The following GPHN variants were observed in gnomAD, a reference collection of about 807,000 sequenced individuals.
The protein encoded by GPHN is gephyrin.
GPHN carries 17 observed loss-of-function variants against 95.5 expected under a neutral mutation model. The ratio of observed to expected loss-of-function variants is 0.18; its 90% CI spans 0.12 to 0.27. The LOEUF (loss-of-function observed/expected upper bound fraction) is 0.27, where lower values mean the gene tolerates loss of function less well. Ranked by LOEUF, GPHN falls within the 10% of genes least tolerant of loss-of-function variation. The pLI, the probability that GPHN is intolerant of heterozygous loss-of-function variation, is 1.00. For missense variants in GPHN, 660 were observed against 978.1 expected, an observed-to-expected ratio of 0.67 and a Z score of 4.34; for synonymous variants, 320 against 322.5, an observed-to-expected ratio of 0.99 and a Z score of 0.08.
the GPHN span, chr14:67,725,345 C>A: frequency 7.7e-7 from 1 of 1,294,928 alleles, no homozygotes; most frequent in East Asian, 2.4e-5. Context: ...TACATCAGAA[C>A]CATCATCCAC....
chr14:67,533,334 C>G, the GPHN span: 1 of 151,338 alleles, frequency 6.6e-6, no homozygotes, highest in Non-Finnish European at 1.5e-5. Flanking sequence ...AGGTCGGCTG[C>G]GGCGGCGGCC....
At chr14:67,379,349 A>T in the GPHN span, among the ~76,000 whole-genome samples, 1 of 152,228 alleles carries the variant, frequency 6.6e-6, no homozygotes, top group Admixed American at 6.5e-5. Context: ...ATGAATTCAC[A>T]GTAGTATCTT....
intron 2 of GPHN, among the ~76,000 whole-genome samples, chr14:66,694,395 T>C (rs1241640858): frequency 6.6e-6 from 1 of 152,186 alleles, no homozygotes; most frequent in African/African-American, 2.4e-5. Flanking sequence ...ATTTTTTAAA[T>C]AGCAGCTCAA....
rs901749491 is a variant in GPHN at position 67,037,909 on chromosome 14, T to A, written c.1006+14234T>A. Among the ~76,000 whole-genome samples the A allele has an allele frequency of 3.9e-5, 6 of 152,028 alleles. No individual in the cohort carries two copies. In the East Asian group the frequency reaches 9.6e-4, roughly 24 times the overall value. On this transcript the variant is annotated intron_variant, in intron 10 of 22. Transcript: ENST00000478722. ...AATAGTATGGCGTTTCTTCAAAAAA[T>A]TAAAAATAGAACTTTCATATGATCT...
chr14:66,904,513 T>A (rs775163135), intron 5 of GPHN, among the ~76,000 whole-genome samples: 4 of 152,192 alleles, frequency 2.6e-5, no homozygotes, highest in Non-Finnish European at 5.9e-5. Flanking sequence ...TTTACAATTC[T>A]AGCTACAGAG....
At chr14:67,209,690 C>T in the GPHN span, among the ~76,000 whole-genome samples, 7 of 150,980 alleles carry the variant, frequency 4.6e-5, no homozygotes, top group Non-Finnish European at 7.4e-5. Flanking sequence ...TGGTGGCAGG[C>T]GCCTGTAATC....
At chr14:67,566,257 G>A in the GPHN span, among the ~76,000 whole-genome samples, 6 of 147,998 alleles carry the variant, frequency 4.1e-5, no homozygotes, top group Admixed American at 4.1e-4. Context: ...CCAAGAGTGG[G>A]GCACATCAGG....
the GPHN span, among the ~76,000 whole-genome samples, chr14:67,408,354 T>TAAAATAAAATAAAAG: frequency 7.4e-6 from 1 of 134,780 alleles, no homozygotes; most frequent in African/African-American, 2.8e-5. Flanking sequence ...TAAAATAAAA[T>TAAAATAAAATAAAAG]AAAAAAAGAA....
intron 3 of GPHN, among the ~76,000 whole-genome samples, chr14:66,811,976 A>T (rs1007253818): frequency 3.3e-5 from 5 of 152,326 alleles, no homozygotes; most frequent in Non-Finnish European, 5.9e-5. Flanking sequence ...GCACTGGTTG[A>T]TTATCCCATT....
chr14:67,514,257 AAG>A, the GPHN span, among the ~76,000 whole-genome samples: 1 of 152,192 alleles, frequency 6.6e-6, no homozygotes, highest in East Asian at 1.9e-4. Context: ...GGGGAAAGAA[AAG>A]AGACAGTCCC....
intron 1 of GPHN, among the ~76,000 whole-genome samples, chr14:66,556,421 G>T (rs759455031): frequency 2.6e-5 from 4 of 152,078 alleles, no homozygotes; most frequent in Non-Finnish European, 5.9e-5. Flanking sequence ...GTCGTTAATG[G>T]TTTTTCCATC....
At chr14:67,165,323 C>G (rs2082211458) in intron 20 of GPHN, 97 bp downstream of exon 20, 4 of 778,358 alleles carry the variant, frequency 5.1e-6, no homozygotes, top group Non-Finnish European at 2.3e-6. Flanking sequence ...TCTGAAAGAC[C>G]TGGGCTCAAG....
At chr14:67,041,953 T>C (rs1243392481) in intron 10 of GPHN, among the ~76,000 whole-genome samples, 2 of 152,328 alleles carry the variant, frequency 1.3e-5, no homozygotes, top group East Asian at 3.9e-4. Context: ...TTGATTTGCA[T>C]TTCTCTAATG....
chr14:67,401,786 G>A, the GPHN span, among the ~76,000 whole-genome samples: 1 of 152,132 alleles, frequency 6.6e-6, no homozygotes, highest in African/African-American at 2.4e-5. Context: ...AAGGAGACTA[G>A]TGATATAAGA....
At chr14:67,086,384 G>T (rs964536800) in intron 11 of GPHN, among the ~76,000 whole-genome samples, 1 of 152,208 alleles carries the variant, frequency 6.6e-6, no homozygotes, top group Non-Finnish European at 1.5e-5. Flanking sequence ...GGGCGCGGTG[G>T]CTCACGCCTG....
chr14:67,726,118 T>G, the GPHN span: 1 of 1,614,018 alleles, frequency 6.2e-7, no homozygotes, highest in Non-Finnish European at 8.5e-7. Context: ...CCAAGACAGC[T>G]GATGGCTTTG....
At position 66,978,278 on chromosome 14, in the gene GPHN, G is replaced by A. The variant is rs528037817; in HGVS notation, c.963+12953G>A. ...TTCTTAAAATCAGACAAGTTTGCCA[G>A]ATCGATTGACCCTTCCTTTCACAAG... On this transcript the variant is annotated intron_variant, in intron 9 of 22. Coordinates refer to ENST00000478722, the MANE Select transcript of GPHN (RefSeq NM_020806.5). Among the ~76,000 whole-genome samples, 174 of 152,306 alleles carry A rather than the reference G, an allele frequency of 1.1e-3. 1 individual carries two copies. Among genetic ancestry groups the A allele is most frequent in the African/African-American group, 4.0e-3 (166 of 41,566 alleles).
the GPHN span, chr14:67,449,987 G>A: frequency 3.9e-4 from 60 of 152,876 alleles, no homozygotes; most frequent in Non-Finnish European, 5.1e-4. Context: ...GCTTGAACCC[G>A]GGAGGCAGAG....
At chr14:67,343,587 T>C in the GPHN span, 4 of 613,488 alleles carry the variant, frequency 6.5e-6, no homozygotes, top group East Asian at 1.1e-4. Context: ...ATTCTTAGGC[T>C]GGGCGCATGG....
Sources: allele counts gnomAD v4.1 joint callset (sites outside exome capture counted in the v4.1 genomes callset), GRCh38; gene constraint gnomAD v4.1.1; transcripts MANE v1.5; gene names NCBI Gene and HGNC (gene_info 2026-07-23, HGNC 2026-07-21).